MAP2K5: variants seen among roughly 807,000 people sequenced by gnomAD.
The protein encoded by MAP2K5 is dual specificity mitogen-activated protein kinase kinase 5.
Under a neutral mutation model 83.1 loss-of-function variants are expected in MAP2K5, and 49 were observed. The observed-to-expected ratio is 0.59, with a 90% CI of 0.47 to 0.75. The LOEUF is 0.75. Ranked by LOEUF, MAP2K5 falls within the 30% of genes least tolerant of loss-of-function variation. The probability of loss-of-function intolerance (pLI) is 0.00; values close to 1 mark genes in which losing one functional copy is unlikely to be tolerated. For synonymous variants in MAP2K5, 202 were observed against 191.8 expected (o/e 1.05, Z -0.44); for missense variants, 457 against 557.5 (o/e 0.82, Z 1.82).
At chr15:67,714,045 T>G (rs2088766191) in intron 16 of MAP2K5, among the ~76,000 whole-genome samples, 1 of 152,188 alleles carries the variant, frequency 6.6e-6, no homozygotes, top group Non-Finnish European at 1.5e-5. Flanking sequence ...AAATATTTAT[T>G]GAACACCTTT....
intron 21 of MAP2K5, among the ~76,000 whole-genome samples, chr15:67,795,794 A>G (rs2090594859): frequency 6.6e-6 from 1 of 152,178 alleles, no homozygotes; most frequent in Admixed American, 6.5e-5. Flanking sequence ...TTATCTATCA[A>G]TTTCTAAGAG....
intron 13 of MAP2K5, among the ~76,000 whole-genome samples, chr15:67,689,993 G>A (rs2088062507): frequency 6.6e-6 from 1 of 152,108 alleles, no homozygotes; most frequent in Non-Finnish European, 1.5e-5. Context: ...TGTAAACTTT[G>A]TTAAAACATT....
In MAP2K5 at chr15:67,698,481, C is replaced by T. The variant is rs1014034126; in HGVS notation, c.973-4856C>T. Among the ~76,000 whole-genome samples, 5 of 152,106 alleles carry T rather than the reference C, an allele frequency of 3.3e-5. No homozygotes were observed. The highest frequency in any genetic ancestry group is 4.2e-4 in the South Asian group (2 of 4,812). On this transcript the variant is annotated intron_variant, in intron 15 of 21. Transcript: ENST00000178640. The surrounding 1 kb of genome is among the most constrained non-coding windows in gnomAD (Gnocchi z 4.5). ...CTGGGATTACAGGTGTGAGCCACCACGCTCAGCCCAGAAATTCTAATTACT... is the reference window on the plus strand; with the variant it reads ...CTGGGATTACAGGTGTGAGCCACCATGCTCAGCCCAGAAATTCTAATTACT...
At position 67,768,695 on chromosome 15, in the gene MAP2K5, GC is replaced by G. The variant is rs2090088455; in HGVS notation, c.1135-906del. On this transcript the variant is annotated intron_variant, in intron 19 of 21. Coordinates refer to ENST00000178640, the MANE Select transcript of MAP2K5 (RefSeq NM_145160.3). The surrounding 1 kb of genome is among the most constrained non-coding windows in gnomAD (Gnocchi z 4.0). ...AGAATAGATGAGAATGGAGTCATTTGCAGCTGCCTACTTTATGTGGCTCTCT... is the reference window on the plus strand; with the variant it reads ...AGAATAGATGAGAATGGAGTCATTTGAGCTGCCTACTTTATGTGGCTCTCT... 6.6e-6 allele frequency among the ~76,000 whole-genome samples: 1 copy of G among 152,214 alleles called. No individual in the cohort carries two copies.
rs1363463712 is a variant in MAP2K5 at position 67,738,947 on chromosome 15, C to G, written c.1075-9284C>G. 6.6e-6 allele frequency among the ~76,000 whole-genome samples: 1 copy of G among 152,058 alleles called. No individual in the cohort carries two copies. Among genetic ancestry groups the G allele is most frequent in the African/African-American group, 2.4e-5 (1 of 41,434 alleles). On this transcript the variant is annotated intron_variant, in intron 17 of 21. Coordinates refer to ENST00000178640, the MANE Select transcript of MAP2K5 (RefSeq NM_145160.3). The surrounding 1 kb of genome is among the most constrained non-coding windows in gnomAD (Gnocchi z 4.1). ...TACTGAAACCTGATTGTACCTATAT[C>G]AAAATATGGGAGGTGTGAAGTAAAA... is the stretch of plus-strand genomic sequence containing the variant.
Position 67,608,460 on chromosome 15 carries a change from G to A in MAP2K5, c.545+7711G>A, listed in dbSNP as rs117314020. 1.5e-4 allele frequency among the ~76,000 whole-genome samples: 23 copies of A among 152,330 alleles called. No homozygotes were observed. The East Asian group carries it at 2.7e-3, about 18-fold the overall frequency. On this transcript the variant is annotated intron_variant, in intron 8 of 21. Transcript: ENST00000178640. Reference sequence around the variant, plus strand: ...TCATAAAACTTGTGTCTGGATAGATGAGGAAGTTCTGTTCTCAGGTATGCA... The same window carrying A: ...TCATAAAACTTGTGTCTGGATAGATAAGGAAGTTCTGTTCTCAGGTATGCA...
chr15:67,550,588 A>G (rs2140945063), intron 2 of MAP2K5, among the ~76,000 whole-genome samples: 1 of 152,294 alleles, frequency 6.6e-6, no homozygotes, highest in East Asian at 1.9e-4. Flanking sequence ...GGACAGGGCC[A>G]GGGTGACCTG....
intron 2 of MAP2K5, among the ~76,000 whole-genome samples, chr15:67,550,413 G>A (rs1246161040): frequency 1.3e-5 from 2 of 152,212 alleles, no homozygotes; most frequent in African/African-American, 4.8e-5. Context: ...TATTGATTAA[G>A]AGATTTTAAT....
chr15:67,580,909 A>C, intron 4 of MAP2K5, 86 bp downstream of exon 4: 1 of 885,162 alleles, frequency 1.1e-6, no homozygotes, highest in East Asian at 2.4e-5. Context: ...TTAAATGCAC[A>C]TAACATGATG....
chr15:67,800,821 AG>A (rs2090692659), intron 21 of MAP2K5, among the ~76,000 whole-genome samples: 2 of 152,142 alleles, frequency 1.3e-5, no homozygotes, highest in Non-Finnish European at 2.9e-5. Flanking sequence ...TCAAATGACC[AG>A]TGCACCACAG....
rs189303647 is a variant in MAP2K5, at chr15:67,552,593, C to G, written c.184+2511C>G. Reference sequence around the variant, plus strand: ...GGGACTACAGGCACCCACCTCCACACCTAGCTAATTAAAAAAATTTTTTTG... The same window carrying G: ...GGGACTACAGGCACCCACCTCCACAGCTAGCTAATTAAAAAAATTTTTTTG... On this transcript the variant is annotated intron_variant, in intron 2 of 21. Transcript: ENST00000178640. This position sits in a 1 kb window ranked among gnomAD's most constrained non-coding sequence, Gnocchi z 4.2. 2.7e-4 allele frequency among the ~76,000 whole-genome samples: 41 copies of G among 152,178 alleles called. 1 individual carries two copies. Among genetic ancestry groups the G allele is most frequent in the Admixed American group, 2.6e-3 (40 of 15,278 alleles).
rs933191633 is a variant in MAP2K5 at position 67,572,773 on chromosome 15, C to T, written c.253-7981C>T. Reference sequence around the variant, plus strand: ...GGAGTGCAGTGGTTCGATCTTGGCTCACTGCAAACTCACCTCTCGGGTTCA... The same window carrying T: ...GGAGTGCAGTGGTTCGATCTTGGCTTACTGCAAACTCACCTCTCGGGTTCA... On this transcript the variant is annotated intron_variant, in intron 3 of 21. Transcript: ENST00000178640. This position sits in a 1 kb window ranked among gnomAD's most constrained non-coding sequence, Gnocchi z 4.2. 4.6e-5 allele frequency among the ~76,000 whole-genome samples: 7 copies of T among 151,694 alleles called. No homozygotes were observed. The highest frequency in any genetic ancestry group is 4.6e-4 in the Admixed American group (7 of 15,244).
intron 13 of MAP2K5, among the ~76,000 whole-genome samples, chr15:67,682,196 C>G (rs961293667): frequency 5.9e-5 from 9 of 151,622 alleles, no homozygotes; most frequent in African/African-American, 1.9e-4. Context: ...AAAAAAAAAT[C>G]AAATCATTTC....
Position 67,624,823 on chromosome 15 carries a change from G to T in MAP2K5, c.546-6065G>T, listed in dbSNP as rs866998184. 2.1e-4 allele frequency among the ~76,000 whole-genome samples: 32 copies of T among 152,086 alleles called. 1 individual carries two copies. The Middle Eastern group carries it at 0.037, about 178-fold the overall frequency. ...TTTTTGTATTTTTAGTAGAGATGGGGTTTCACTATGTTGGCCAGGCTGGTC... is the reference window on the plus strand; with the variant it reads ...TTTTTGTATTTTTAGTAGAGATGGGTTTTCACTATGTTGGCCAGGCTGGTC... On this transcript the variant is annotated intron_variant, in intron 8 of 21. Transcript: ENST00000178640.
intron 15 of MAP2K5, among the ~76,000 whole-genome samples, chr15:67,701,298 T>A (rs1484200004): frequency 6.6e-6 from 1 of 152,226 alleles, no homozygotes. Flanking sequence ...TCTAAGGAAC[T>A]TATTTGTTCA....
intron 6 of MAP2K5, among the ~76,000 whole-genome samples, chr15:67,590,651 C>T (rs2085387678): frequency 6.6e-6 from 1 of 151,948 alleles, no homozygotes. Flanking sequence ...TGGGGCCCTA[C>T]TATGTTGCCC....
chr15:67,791,620 T>A (rs1220112699), intron 21 of MAP2K5, among the ~76,000 whole-genome samples: 1 of 152,178 alleles, frequency 6.6e-6, no homozygotes, highest in Non-Finnish European at 1.5e-5. Flanking sequence ...GTTTGGGAGC[T>A]GACATCCAGT....
chr15:67,748,374 A>G lies in MAP2K5; in HGVS notation c.1101+117A>G, dbSNP rs2089649719. 1 of 945,136 alleles carries G rather than the reference A, an allele frequency of 1.1e-6. No individual in the cohort carries two copies. 58.5% of individuals were successfully genotyped at this position (945,136 alleles called of 1,614,324 possible). ...AAATTGCATTTTGAAGAAAATGCAA[A>G]CCTTTAACTGCCTGTATTAGATTAG... is the stretch of plus-strand genomic sequence containing the variant. On this transcript the variant is annotated intron_variant, in intron 18 of 21. Transcript: ENST00000178640. The surrounding 1 kb of genome is among the most constrained non-coding windows in gnomAD (Gnocchi z 4.0).
intron 8 of MAP2K5, among the ~76,000 whole-genome samples, chr15:67,610,947 G>T (rs1370986301): frequency 1.3e-5 from 2 of 152,174 alleles, no homozygotes; most frequent in Non-Finnish European, 1.5e-5. Context: ...AATGGTTTTT[G>T]TCTTGTGAAT....
Sources: allele counts gnomAD v4.1 joint callset (sites outside exome capture counted in the v4.1 genomes callset), GRCh38; gene constraint gnomAD v4.1.1; non-coding constraint Gnocchi (gnomAD v3.1); transcripts MANE v1.5; gene names NCBI Gene and HGNC (gene_info 2026-07-23, HGNC 2026-07-21).